Variants in PRDM16 observed in about 807,000 individuals in gnomAD.
The protein encoded by PRDM16 is PR/SET domain 16.
A neutral mutation model predicts 110.6 loss-of-function variants in PRDM16; 23 were observed. The observed-to-expected ratio is 0.21, with a 90% CI of 0.15 to 0.29. PRDM16 has a LOEUF of 0.29. Among genes scored for constraint, PRDM16 ranks in the 10% least tolerant of loss-of-function variants. The pLI is 1.00. For synonymous variants in PRDM16, 799 were observed against 781.8 expected (o/e 1.02, Z -0.37); for missense variants, 1,615 against 1,794.3 (o/e 0.90, Z 1.81).
Position 3,243,980 on chromosome 1 carries a change from C to A in PRDM16, c.388-107C>A. 8.9e-7 allele frequency: 1 copy of A among 1,119,508 alleles called. No individual in the cohort carries two copies. The highest frequency in any genetic ancestry group is 1.7e-5 in the Admixed American group (1 of 58,182). 69.3% of individuals were successfully genotyped at this position (1,119,508 alleles called of 1,614,324 possible). On this transcript the variant is annotated intron_variant, in intron 2 of 16. Coordinates refer to ENST00000270722, the MANE Select transcript of PRDM16 (RefSeq NM_022114.4). The surrounding 1 kb of genome is among the most constrained non-coding windows in gnomAD (Gnocchi z 5.5). ...GCTGTGGAGAAGCCACTGGGTCCCACCCTGTGACTTTTGGGGACAGTGGTT... is the reference window on the plus strand; with the variant it reads ...GCTGTGGAGAAGCCACTGGGTCCCAACCTGTGACTTTTGGGGACAGTGGTT...
At chr1:3,385,354 T>C (rs1469140861) in intron 4 of PRDM16, 68 bp downstream of exon 4, 3 of 1,553,794 alleles carry the variant, frequency 1.9e-6, no homozygotes, top group African/African-American at 2.7e-5. Context: ...GCACCAAGAT[T>C]GGTGGAGGTG....
rs1640019177 is a variant in PRDM16 at position 3,255,379 on chromosome 1, G to A, written c.438+11242G>A. Among the ~76,000 whole-genome samples the A allele has an allele frequency of 6.6e-6, 1 of 152,158 alleles. No individual in the cohort carries two copies. The highest frequency in any genetic ancestry group is 2.4e-5 in the African/African-American group (1 of 41,414). ...TCCTGAGGGTCGCGTGCAGCACACA[G>A]CCTCCCAGACGGCTCTCACCACAAA... is the stretch of plus-strand genomic sequence containing the variant. On this transcript the variant is annotated intron_variant, in intron 3 of 16. Transcript: ENST00000270722. This position sits in a 1 kb window ranked among gnomAD's most constrained non-coding sequence, Gnocchi z 4.7.
At chr1:3,394,348 G>A (rs1332028078) in intron 4 of PRDM16, 1 of 321,864 alleles carries the variant, frequency 3.1e-6, no homozygotes, top group Non-Finnish European at 5.9e-6. Context: ...GGGGCCAGGC[G>A]GAGGATCCAG....
chr1:3,113,461 C>T (rs2100644150), intron 1 of PRDM16, among the ~76,000 whole-genome samples: 1 of 150,574 alleles, frequency 6.6e-6, no homozygotes, highest in East Asian at 2.0e-4. Flanking sequence ...AGCAAAGGTG[C>T]CTAGAGAGGA....
chr1:3,117,126 G>A (rs1416591003), intron 1 of PRDM16, among the ~76,000 whole-genome samples: 4 of 152,174 alleles, frequency 2.6e-5, no homozygotes, highest in Non-Finnish European at 5.9e-5. Flanking sequence ...CCCCTCCTGC[G>A]TGCTCTTCTG....
At chr1:3,089,915 C>CTCAT (rs60239912) in intron 1 of PRDM16, among the ~76,000 whole-genome samples, 5 of 151,408 alleles carry the variant, frequency 3.3e-5, no homozygotes, top group Admixed American at 6.6e-5. Flanking sequence ...CTAAAATCCA[C>CTCAT]TCATTCATTC....
At chr1:3,242,211 G>A (rs1271134525) in intron 2 of PRDM16, among the ~76,000 whole-genome samples, 1 of 152,218 alleles carries the variant, frequency 6.6e-6, no homozygotes, top group African/African-American at 2.4e-5. Context: ...CGCTGGTGGT[G>A]TCTGCACAGG....
chr1:3,400,113 G>A (rs1312569436), intron 5 of PRDM16, among the ~76,000 whole-genome samples: 1 of 152,204 alleles, frequency 6.6e-6, no homozygotes. Flanking sequence ...GTGGGAAATT[G>A]GGGCCCTGCC....
chr1:3,293,346 C>T (rs1010902279), intron 3 of PRDM16, among the ~76,000 whole-genome samples: 2 of 152,218 alleles, frequency 1.3e-5, no homozygotes, highest in African/African-American at 2.4e-5. Context: ...CCAGGCCACC[C>T]GTGTGTCAGC....
intron 3 of PRDM16, among the ~76,000 whole-genome samples, chr1:3,303,309 T>A (rs1234784747): frequency 1.3e-5 from 2 of 152,076 alleles, no homozygotes; most frequent in Non-Finnish European, 2.9e-5. Context: ...TTCCTGTAAG[T>A]GGGACTATAC....
chr1:3,266,097 C>T (rs928434845), intron 3 of PRDM16, among the ~76,000 whole-genome samples: 1 of 152,206 alleles, frequency 6.6e-6, no homozygotes, highest in Non-Finnish European at 1.5e-5. Flanking sequence ...GAGCTGCAGT[C>T]ATCATAAATG....
chr1:3,379,286 A>G (rs1346277965), intron 3 of PRDM16, among the ~76,000 whole-genome samples: 15 of 20,360 alleles, frequency 7.4e-4, no homozygotes, highest in African/African-American at 7.8e-4. Flanking sequence ...ACCCCTCCCA[A>G]CACACCCCTC....
chr1:3,305,453 ACTGCCCAG>A (rs1357825528), intron 3 of PRDM16, among the ~76,000 whole-genome samples: 1 of 152,172 alleles, frequency 6.6e-6, no homozygotes, highest in Non-Finnish European at 1.5e-5. Flanking sequence ...ATCCATGGTT[ACTGCCCAG>A]CTCCATGTTA....
At chr1:3,212,164 G>A (rs1035600740) in intron 2 of PRDM16, among the ~76,000 whole-genome samples, 2 of 152,198 alleles carry the variant, frequency 1.3e-5, no homozygotes, top group South Asian at 4.1e-4. Flanking sequence ...CCATTCACTG[G>A]GAGCCTGATA....
At position 3,359,647 on chromosome 1, in the gene PRDM16, T is replaced by G. The variant is rs1642675713; in HGVS notation, c.439-25505T>G. Reference sequence around the variant, plus strand: ...CTCAGCACTCACAGCCCCATCTCTCTGGGCCTTGTCTTAAAGGGTCTTTAG... The same window carrying G: ...CTCAGCACTCACAGCCCCATCTCTCGGGGCCTTGTCTTAAAGGGTCTTTAG... On this transcript the variant is annotated intron_variant, in intron 3 of 16. Coordinates refer to ENST00000270722, the MANE Select transcript of PRDM16 (RefSeq NM_022114.4). The surrounding 1 kb of genome is among the most constrained non-coding windows in gnomAD (Gnocchi z 4.3). 6.6e-6 allele frequency among the ~76,000 whole-genome samples: 1 copy of G among 152,188 alleles called. No individual in the cohort carries two copies. The highest frequency in any genetic ancestry group is 1.5e-5 in the Non-Finnish European group (1 of 68,030).
At chr1:3,235,095 C>T (rs1639507874) in intron 2 of PRDM16, among the ~76,000 whole-genome samples, 1 of 152,242 alleles carries the variant, frequency 6.6e-6, no homozygotes, top group Non-Finnish European at 1.5e-5. Flanking sequence ...ATCGGCTCCA[C>T]TGGCGTCCCA....
Position 3,393,865 on chromosome 1 carries a change from C to T in PRDM16, c.574-2626C>T, listed in dbSNP as rs1299590973. Among the ~76,000 whole-genome samples, 7 of 152,226 alleles carry T rather than the reference C, an allele frequency of 4.6e-5. No homozygotes were observed. In the East Asian group the frequency reaches 1.3e-3, roughly 29 times the overall value. On this transcript the variant is annotated intron_variant, in intron 4 of 16. Transcript: ENST00000270722. ...GGGGACCCCCGCCCCCGCCCCGCCCCGCCTCGGGCCCTGCGATCAGCAGTA... is the reference window on the plus strand; with the variant it reads ...GGGGACCCCCGCCCCCGCCCCGCCCTGCCTCGGGCCCTGCGATCAGCAGTA...
At chr1:3,308,493 G>C (rs181323296) in intron 3 of PRDM16, 2 of 152,316 alleles carry the variant, frequency 1.3e-5, no homozygotes, top group African/African-American at 2.4e-5. Flanking sequence ...GGTCAGGAAC[G>C]TGGGGCATGG....
chr1:3,069,713 CCTCT>C lies in PRDM16; in HGVS notation c.37+425_37+428del, dbSNP rs893834180. Among the ~76,000 whole-genome samples the C allele has an allele frequency of 2.0e-5, 3 of 151,886 alleles. No homozygotes were observed. Among genetic ancestry groups the C allele is most frequent in the Admixed American group, 6.5e-5 (1 of 15,268 alleles). ...CTTTTTCCTCCCCGCTCGCTCTCTCCCTCTCTCTCTCCGAGTGGCTCTCAGTCCT... is the reference window on the plus strand; with the variant it reads ...CTTTTTCCTCCCCGCTCGCTCTCTCCCTCTCTCCGAGTGGCTCTCAGTCCT... On this transcript the variant is annotated intron_variant, in intron 1 of 16. Coordinates refer to ENST00000270722, the MANE Select transcript of PRDM16 (RefSeq NM_022114.4). The surrounding 1 kb of genome is among the most constrained non-coding windows in gnomAD (Gnocchi z 6.1).
Sources: allele counts gnomAD v4.1 joint callset (sites outside exome capture counted in the v4.1 genomes callset), GRCh38; gene constraint gnomAD v4.1.1; non-coding constraint Gnocchi (gnomAD v3.1); transcripts MANE v1.5; gene names NCBI Gene and HGNC (gene_info 2026-07-23, HGNC 2026-07-21).